The following COL3A1 variants were observed in gnomAD, a reference collection of about 807,000 sequenced individuals.
COL3A1 encodes the protein collagen alpha-1(III) chain.
A neutral mutation model predicts 200.9 loss-of-function variants in COL3A1; 46 were observed. The observed-to-expected ratio is 0.23, with a 90% CI of 0.18 to 0.29. The LOEUF (loss-of-function observed/expected upper bound fraction) is 0.29, where lower values mean the gene tolerates loss of function less well. Among genes scored for constraint, COL3A1 ranks in the 10% least tolerant of loss-of-function variants. COL3A1 has a pLI of 1.00. For synonymous variants in COL3A1, 650 were observed against 628.0 expected, an observed-to-expected ratio of 1.03 and a Z score of -0.52; for missense variants, 1,367 against 1,917.6, an observed-to-expected ratio of 0.71 and a Z score of 5.36.
chr2:188,998,914 T>C (rs1688390384), intron 29 of COL3A1, among the ~76,000 whole-genome samples, 196 bp downstream of exon 29: 1 of 152,234 alleles, frequency 6.6e-6, no homozygotes, highest in Admixed American at 6.5e-5. Flanking sequence ...TCCAATTCTC[T>C]GACATTCATA....
intron 10 of COL3A1, 68 bp downstream of exon 10, chr2:188,990,428 T>C: frequency 8.1e-7 from 1 of 1,235,016 alleles, no homozygotes; most frequent in Non-Finnish European, 1.2e-6. Context: ...TAACCAATTT[T>C]ACTGGACAAT....
chr2:188,993,513 A>ACTAT, intron 16 of COL3A1, 54 bp downstream of exon 16: 2 of 1,401,228 alleles, frequency 1.4e-6, no homozygotes, highest in Non-Finnish European at 9.9e-7. Flanking sequence ...ACTCCATGAA[A>ACTAT]GCATAGTTTC....
intron 3 of COL3A1, 106 bp from the exon 4 acceptor site, chr2:188,985,559 A>G: frequency 2.7e-6 from 2 of 742,748 alleles, no homozygotes; most frequent in South Asian, 3.5e-5. Context: ...AAAATATATT[A>G]CTTATATTGT....
Position 188,987,053 on chromosome 2 carries a change from C to T in COL3A1, c.448-6C>T, listed in dbSNP as rs751856761. On this transcript the variant is annotated splice_region_variant and splice_polypyrimidine_tract_variant and intron_variant, in intron 4 of 50. Coordinates refer to ENST00000304636, the MANE Select transcript of COL3A1 (RefSeq NM_000090.4). Reference sequence around the variant, plus strand: ...ATGATCATATCTATTTGTCTCCTTGCCACAGAACTATTCTCCCCAGTATGA... The same window carrying T: ...ATGATCATATCTATTTGTCTCCTTGTCACAGAACTATTCTCCCCAGTATGA... 3.7e-6 allele frequency: 6 copies of T among 1,610,448 alleles called. No individual in the cohort carries two copies. In the South Asian group the frequency reaches 6.6e-5, roughly 18 times the overall value.
rs766096022 is a variant in COL3A1 at position 189,010,167 on chromosome 2, T to G, written c.3824-11T>G. The G allele has an allele frequency of 1.1e-5, 18 of 1,613,648 alleles. No individual in the cohort carries two copies. The highest frequency in any genetic ancestry group is 1.5e-5 in the Non-Finnish European group (18 of 1,179,682). ...TATAACCAATTCCCATTCTTTTTTG[T>G]GACTATTCAGGAGAATACTGGGTTG... On this transcript the variant is annotated splice_polypyrimidine_tract_variant and intron_variant, in intron 48 of 50. Coordinates refer to ENST00000304636, the MANE Select transcript of COL3A1 (RefSeq NM_000090.4).
intron 38 of COL3A1, 52 bp downstream of exon 38, chr2:189,003,839 A>C: frequency 1.3e-6 from 2 of 1,595,322 alleles, no homozygotes; most frequent in Admixed American, 3.3e-5. Flanking sequence ...AAGAGCATTC[A>C]TGTATGTATA....
At chr2:189,005,259 G>GT in intron 40 of COL3A1, 91 bp from the exon 41 acceptor site, 3 of 1,211,478 alleles carry the variant, frequency 2.5e-6, no homozygotes, top group Non-Finnish European at 3.6e-6. Context: ...AATAAAATAA[G>GT]TTTTTTACCT....
chr2:189,009,674 A>G (rs1049250504), intron 48 of COL3A1, among the ~76,000 whole-genome samples: 2 of 152,198 alleles, frequency 1.3e-5, no homozygotes. Flanking sequence ...GGTTTTGCAT[A>G]TATTGGGTTA....
At chr2:188,993,517 T>C (rs1415438497) in intron 16 of COL3A1, 58 bp downstream of exon 16, 3 of 1,363,650 alleles carry the variant, frequency 2.2e-6, no homozygotes, top group Non-Finnish European at 3.1e-6. Context: ...CATGAAAGCA[T>C]AGTTTCATGC....
rs771070731 is a variant in COL3A1, at chr2:188,994,829, A to G, written c.1453A>G (p.Arg485Gly). ...ANGLPGAAGE[R>G]GAPGFRGPAG... Reference sequence around the variant, plus strand: ...TGGGCTTCCAGGAGCTGCAGGAGAAAGGGTACGTTTTCCATGGGGCATCTA... The same window carrying G: ...TGGGCTTCCAGGAGCTGCAGGAGAAGGGGTACGTTTTCCATGGGGCATCTA... Residue 485 changes from arginine to glycine, a missense_variant and splice_region_variant, in exon 20 of 51, where the codon AGG becomes GGG. Arg to Gly is a moderately radical substitution (Grantham distance 125). Transcript: ENST00000304636. The surrounding 1 kb of genome is among the most constrained non-coding windows in gnomAD (Gnocchi z 4.5). 6.2e-7 allele frequency: 1 copy of G among 1,613,268 alleles called. No individual in the cohort carries two copies. The highest frequency in any genetic ancestry group is 8.5e-7 in the Non-Finnish European group (1 of 1,179,890).
chr2:189,007,876 T>G lies in COL3A1; in HGVS notation c.3364-9T>G, dbSNP rs2153503942. On this transcript the variant is annotated splice_polypyrimidine_tract_variant and intron_variant, in intron 45 of 50. Coordinates refer to ENST00000304636, the MANE Select transcript of COL3A1 (RefSeq NM_000090.4). Reference sequence around the variant, plus strand: ...CCTTCACTCCTATGTACACTTCCTTTCTTTCCAGGGCCCTGCTGGTCAGCA... The same window carrying G: ...CCTTCACTCCTATGTACACTTCCTTGCTTTCCAGGGCCCTGCTGGTCAGCA... 2.5e-6 allele frequency: 4 copies of G among 1,613,906 alleles called. No homozygotes were observed. The highest frequency in any genetic ancestry group is 2.5e-6 in the Non-Finnish European group (3 of 1,180,028).
At position 189,009,198 on chromosome 2, in the gene COL3A1, T is replaced by C. The variant is rs1194692141; in HGVS notation, c.3800T>C (p.Phe1267Ser). 1 of 1,614,194 alleles carries C rather than the reference T, an allele frequency of 6.2e-7. No individual in the cohort carries two copies. Among genetic ancestry groups the C allele is most frequent in the Non-Finnish European group, 8.5e-7 (1 of 1,180,038 alleles). The change falls in exon 48 of 51, where the codon TTC (phenylalanine) becomes TCC (serine). Residue 1267 changes from phenylalanine (F) to serine (S), a missense_variant. Physicochemically the swap from Phe to Ser is radical, Grantham distance 155 (BLOSUM62 -2). Coordinates refer to ENST00000304636, the MANE Select transcript of COL3A1 (RefSeq NM_000090.4). The part of the protein sequence containing the change: ...NPARNCRDLK[F>S]CHPELKSGEY... ...GCTAGAAACTGCAGAGACCTGAAATTCTGCCATCCTGAACTCAAGAGTGGT... is the reference window on the plus strand; with the variant it reads ...GCTAGAAACTGCAGAGACCTGAAATCCTGCCATCCTGAACTCAAGAGTGGT...
At chr2:188,995,155 T>C in intron 21 of COL3A1, 56 bp downstream of exon 21, 1 of 1,485,004 alleles carries the variant, frequency 6.7e-7, no homozygotes, top group Admixed American at 1.7e-5. Context: ...TGGGCAGTTC[T>C]TGTATACAAT....
intron 25 of COL3A1, 50 bp from the exon 26 acceptor site, chr2:188,997,286 C>T: frequency 6.2e-7 from 1 of 1,612,830 alleles, no homozygotes; most frequent in Non-Finnish European, 8.5e-7. Context: ...CTTCTGACTT[C>T]TCTCTGTAAT....
intron 50 of COL3A1, 100 bp from the exon 51 acceptor site, chr2:189,011,528 A>C (rs1266041522): frequency 3.7e-6 from 5 of 1,367,214 alleles, no homozygotes; most frequent in Non-Finnish European, 5.2e-6. Context: ...GGCACGATGA[A>C]TGCTTCTTTA....
At chr2:189,006,116 A>G in intron 41 of COL3A1, 90 bp from the exon 42 acceptor site, 1 of 1,367,982 alleles carries the variant, frequency 7.3e-7, no homozygotes. Flanking sequence ...AACCCCCTTG[A>G]GAATTATATT....
rs1688754958 is a variant in COL3A1, at chr2:189,012,737, A to G, written c.*963A>G. 1 of 152,550 alleles carries G rather than the reference A, an allele frequency of 6.6e-6. No individual in the cohort carries two copies. The highest frequency in any genetic ancestry group is 1.5e-5 in the Non-Finnish European group (1 of 67,994). 9.4% of individuals were successfully genotyped at this position (152,550 alleles called of 1,614,324 possible). The stretch of plus-strand genomic sequence containing the variant: ...ACAGACACCCATAATAAAATATCAT[A>G]TTAAAATTCTCCTGTTTTTTGTCAC... On this transcript the variant is annotated 3_prime_UTR_variant, in exon 51 of 51. Coordinates refer to ENST00000304636, the MANE Select transcript of COL3A1 (RefSeq NM_000090.4).
chr2:188,976,283 T>C (rs543946331), intron 1 of COL3A1, among the ~76,000 whole-genome samples: 2 of 151,038 alleles, frequency 1.3e-5, no homozygotes, highest in Non-Finnish European at 3.0e-5. Context: ...AATCCAACTT[T>C]AGTGGGGGGG....
At chr2:188,988,829 A>G (rs926285757) in intron 7 of COL3A1, among the ~76,000 whole-genome samples, 186 bp downstream of exon 7, 1 of 152,016 alleles carries the variant, frequency 6.6e-6, no homozygotes, top group East Asian at 1.9e-4. Flanking sequence ...TAGAGACACT[A>G]GTTAATAAAG....
Sources: allele counts gnomAD v4.1 joint callset (sites outside exome capture counted in the v4.1 genomes callset), GRCh38; gene constraint gnomAD v4.1.1; non-coding constraint Gnocchi (gnomAD v3.1); transcripts MANE v1.5; gene names NCBI Gene and HGNC (gene_info 2026-07-23, HGNC 2026-07-21).